The following RBFOX1 variants were observed in gnomAD, a reference collection of about 807,000 sequenced individuals.
RBFOX1 encodes the protein RNA binding fox-1 homolog 1.
A neutral mutation model predicts 57.7 loss-of-function variants in RBFOX1; 8 were observed. The ratio of observed to expected loss-of-function variants is 0.14; its 90% confidence interval spans 0.08 to 0.25. The LOEUF (loss-of-function observed/expected upper bound fraction) is 0.25. Among genes scored for constraint, RBFOX1 ranks in the 10% least tolerant of loss-of-function variants. The pLI is 1.00. For synonymous variants in RBFOX1, 326 were observed against 222.4 expected, an observed-to-expected ratio of 1.47 and a Z score of -4.15; for missense variants, 611 against 548.5, an observed-to-expected ratio of 1.11 and a Z score of -1.14.
chr16:6,787,558 C>T (rs1340603226), intron 3 of RBFOX1, among the ~76,000 whole-genome samples: 4 of 152,086 alleles, frequency 2.6e-5, no homozygotes, highest in African/African-American at 9.7e-5. Context: ...TGTGCCAATT[C>T]CAGATTTAGC....
intron 1 of RBFOX1, among the ~76,000 whole-genome samples, chr16:5,375,107 A>G (rs1457061149): frequency 6.7e-6 from 1 of 149,334 alleles, no homozygotes; most frequent in Non-Finnish European, 1.5e-5. Flanking sequence ...AAAAAAAAAA[A>G]AAAAAATAGG....
At chr16:6,121,991 T>C (rs1349774379) in intron 1 of RBFOX1, among the ~76,000 whole-genome samples, 3 of 152,166 alleles carry the variant, frequency 2.0e-5, no homozygotes, top group Admixed American at 2.0e-4. Flanking sequence ...CTGCAACCCC[T>C]GCCTCCGGGG....
intron 4 of RBFOX1, among the ~76,000 whole-genome samples, chr16:7,336,727 A>T (rs535649431): frequency 6.6e-6 from 1 of 152,332 alleles, no homozygotes; most frequent in Non-Finnish European, 1.5e-5. Flanking sequence ...ATTTATTTTT[A>T]TAATAAACGT....
At chr16:6,054,235 A>G (rs114894952) in intron 1 of RBFOX1, among the ~76,000 whole-genome samples, 10 of 152,288 alleles carry the variant, frequency 6.6e-5, no homozygotes, top group African/African-American at 2.4e-4. Flanking sequence ...GAAACATAAT[A>G]TAATATGTTT....
intron 14 of RBFOX1, among the ~76,000 whole-genome samples, chr16:7,684,448 C>G (rs965528741): frequency 5.9e-5 from 9 of 151,956 alleles, no homozygotes; most frequent in African/African-American, 2.2e-4. Flanking sequence ...TGATGTGTGA[C>G]TGTTCAAATA....
At chr16:6,814,041 A>G (rs547351876) in intron 3 of RBFOX1, among the ~76,000 whole-genome samples, 1 of 150,256 alleles carries the variant, frequency 6.7e-6, no homozygotes, top group East Asian at 1.9e-4. Flanking sequence ...AGATTCAAAC[A>G]TAACAACTTG....
intron 4 of RBFOX1, among the ~76,000 whole-genome samples, chr16:5,877,396 G>A (rs2057641141): frequency 6.6e-6 from 1 of 152,238 alleles, no homozygotes; most frequent in Admixed American, 6.5e-5. Context: ...TTTTAGCTAA[G>A]CTGTAATAGA....
chr16:7,508,356 C>T (rs910613789), intron 4 of RBFOX1, among the ~76,000 whole-genome samples: 5 of 152,124 alleles, frequency 3.3e-5, no homozygotes, highest in Non-Finnish European at 7.3e-5. Context: ...AGGGAATTGT[C>T]CGTCTTGGTC....
intron 3 of RBFOX1, among the ~76,000 whole-genome samples, chr16:6,925,118 T>TTG (rs2075312224): frequency 3.1e-5 from 1 of 32,306 alleles, no homozygotes; most frequent in Non-Finnish European, 6.6e-5. Context: ...GGTTTTTTTT[T>TTG]TTTTTTTTTT....
chr16:6,555,606 A>C (rs1334026589), intron 2 of RBFOX1, among the ~76,000 whole-genome samples: 1 of 152,114 alleles, frequency 6.6e-6, no homozygotes, highest in Non-Finnish European at 1.5e-5. Context: ...AGGCTGAGGC[A>C]GGAGAATGGC....
chr16:5,971,956 C>T (rs534688203), intron 4 of RBFOX1, among the ~76,000 whole-genome samples: 1 of 152,204 alleles, frequency 6.6e-6, no homozygotes, highest in Non-Finnish European at 1.5e-5. Flanking sequence ...ACTGAGCTCC[C>T]CTGCATCAGA....
intron 1 of RBFOX1, among the ~76,000 whole-genome samples, chr16:6,191,836 T>C (rs915364451): frequency 3.3e-5 from 5 of 152,258 alleles, no homozygotes; most frequent in African/African-American, 9.6e-5. Context: ...ATTTTCAGAA[T>C]TTTGCACTAG....
intron 4 of RBFOX1, among the ~76,000 whole-genome samples, chr16:7,200,802 C>G (rs947526828): frequency 1.3e-5 from 2 of 152,104 alleles, no homozygotes; most frequent in Non-Finnish European, 2.9e-5. Context: ...ACTAACTCAT[C>G]GTGATGAAAA....
chr16:7,487,414 T>G (rs1051032359), intron 4 of RBFOX1, among the ~76,000 whole-genome samples: 2 of 152,160 alleles, frequency 1.3e-5, no homozygotes, highest in African/African-American at 4.8e-5. Context: ...TGAAAGGCAC[T>G]CCCCATGCAG....
chr16:5,864,721 A>T (rs932479542), intron 3 of RBFOX1, among the ~76,000 whole-genome samples: 2 of 152,108 alleles, frequency 1.3e-5, no homozygotes, highest in African/African-American at 4.8e-5. Flanking sequence ...AAGATCAGAA[A>T]CTGGAAGTCC....
At chr16:6,071,782 C>T (rs1400623521) in intron 1 of RBFOX1, among the ~76,000 whole-genome samples, 2 of 152,220 alleles carry the variant, frequency 1.3e-5, no homozygotes. Context: ...ATTCTCCCCT[C>T]AGCTTCTATG....
chr16:5,464,778 A>T (rs2068902021), intron 1 of RBFOX1, among the ~76,000 whole-genome samples: 1 of 152,174 alleles, frequency 6.6e-6, no homozygotes, highest in Non-Finnish European at 1.5e-5. Flanking sequence ...GAGTCCCAAG[A>T]AAGGAGGCAA....
Position 7,504,275 on chromosome 16 carries a change from G to A in RBFOX1, c.28-13872G>A, listed in dbSNP as rs1373471327. ...GAAGTTCTATTTATAGAACATTTAG[G>A]GCAGTGGCAAGCATGTGGTTTAAGC... On this transcript the variant is annotated intron_variant, in intron 4 of 15. Transcript: ENST00000550418. Among the ~76,000 whole-genome samples the A allele has an allele frequency of 2.0e-5, 3 of 152,054 alleles. No homozygotes were observed. The East Asian group carries it at 5.8e-4, about 30-fold the overall frequency.
intron 3 of RBFOX1, among the ~76,000 whole-genome samples, chr16:5,791,385 T>G (rs4786777): frequency 6.6e-6 from 1 of 152,028 alleles, no homozygotes; most frequent in Non-Finnish European, 1.5e-5. Flanking sequence ...AGTCATTATT[T>G]TAAGGCCTTT....
Sources: gnomAD v4.1 joint callset for allele counts (sites outside exome capture counted in the v4.1 genomes callset) on GRCh38, gnomAD v4.1.1 for gene constraint, MANE v1.5 for transcripts, NCBI Gene and HGNC (gene_info 2026-07-23, HGNC 2026-07-21) for gene names.